The following CNTLN variants were observed in gnomAD, a reference collection of about 807,000 sequenced individuals.
CNTLN encodes the protein centlein, also known as centlein, centrosomal protein.
CNTLN carries 212 observed loss-of-function variants against 180.0 expected under a neutral mutation model. The ratio of observed to expected loss-of-function variants is 1.18; its 90% CI spans 1.05 to 1.32. The LOEUF is 1.32. Ranked by LOEUF, CNTLN falls within the 40% of genes most tolerant of loss-of-function variation. CNTLN has a pLI of 0.00. For synonymous variants in CNTLN, 722 were observed against 563.1 expected, an observed-to-expected ratio of 1.28 and a Z score of -3.99; for missense variants, 2,095 against 1,610.9, an observed-to-expected ratio of 1.30 and a Z score of -5.14.
chr9:17,307,497 T>C (rs1241527552), intron 7 of CNTLN, among the ~76,000 whole-genome samples: 2 of 152,132 alleles, frequency 1.3e-5, no homozygotes, highest in African/African-American at 2.4e-5. Context: ...CTCGAACTCC[T>C]GAGCTCAGGT....
At chr9:17,271,202 A>G (rs1345366440) in intron 5 of CNTLN, among the ~76,000 whole-genome samples, 1 of 151,830 alleles carries the variant, frequency 6.6e-6, no homozygotes, top group Non-Finnish European at 1.5e-5. Context: ...CAGCCTCCCA[A>G]AGTGCTGGGA....
rs549564782 is a variant in CNTLN at position 17,403,045 on chromosome 9, T to A, written c.2616-6248T>A. On this transcript the variant is annotated intron_variant, in intron 15 of 25. Coordinates refer to ENST00000380647, the MANE Select transcript of CNTLN (RefSeq NM_017738.4). ...GAGGGAGTGCGTCAAAAGAGGCATT[T>A]TTCAGTATATCAAAAACTTGGAAGG... 4.6e-5 allele frequency among the ~76,000 whole-genome samples: 7 copies of A among 151,820 alleles called. 1 individual carries two copies. The highest frequency in any genetic ancestry group is 1.7e-4 in the African/African-American group (7 of 41,194).
chr9:17,463,692 T>G (rs781692013), intron 20 of CNTLN, among the ~76,000 whole-genome samples: 1 of 151,650 alleles, frequency 6.6e-6, no homozygotes, highest in Non-Finnish European at 1.5e-5. Context: ...ATTTTTTAAC[T>G]GATAATATTT....
chr9:17,211,464 AG>A (rs199986480), intron 2 of CNTLN, among the ~76,000 whole-genome samples: 1,637 of 152,202 alleles, frequency 0.011, 34 homozygotes, highest in African/African-American at 0.037. Flanking sequence ...GTAGCTTTGT[AG>A]TATAGTTTGA....
At chr9:17,194,996 A>G (rs1343940982) in intron 2 of CNTLN, among the ~76,000 whole-genome samples, 1 of 152,136 alleles carries the variant, frequency 6.6e-6, no homozygotes, top group Non-Finnish European at 1.5e-5. Context: ...AGTATGGGGG[A>G]AACCGCCCCC....
chr9:17,144,902 C>T (rs1030096885), intron 2 of CNTLN, among the ~76,000 whole-genome samples: 6 of 149,090 alleles, frequency 4.0e-5, no homozygotes, highest in East Asian at 1.9e-4. Context: ...ACTGCAGTGG[C>T]GCAATCTCGG....
chr9:17,323,238 T>C (rs1387906968), intron 8 of CNTLN, among the ~76,000 whole-genome samples: 2 of 152,202 alleles, frequency 1.3e-5, no homozygotes, highest in African/African-American at 2.4e-5. Flanking sequence ...TGAGGCAATA[T>C]GGCTCGCAAT....
At chr9:17,257,489 C>T (rs1185442149) in intron 5 of CNTLN, among the ~76,000 whole-genome samples, 1 of 151,702 alleles carries the variant, frequency 6.6e-6, no homozygotes, top group Non-Finnish European at 1.5e-5. Flanking sequence ...TGGGTATATA[C>T]CCAGTAATGG....
At chr9:17,180,162 C>G (rs989992069) in intron 2 of CNTLN, among the ~76,000 whole-genome samples, 13 of 147,770 alleles carry the variant, frequency 8.8e-5, no homozygotes, top group African/African-American at 3.2e-4. Flanking sequence ...TTACATTCAG[C>G]TTGATTATTG....
intron 8 of CNTLN, among the ~76,000 whole-genome samples, chr9:17,328,704 A>G (rs1820458187): frequency 6.6e-6 from 1 of 152,176 alleles, no homozygotes; most frequent in African/African-American, 2.4e-5. Context: ...ATATGTATGC[A>G]AAATGCCTCT....
At chr9:17,143,804 G>C (rs1444201383) in intron 2 of CNTLN, among the ~76,000 whole-genome samples, 1 of 152,210 alleles carries the variant, frequency 6.6e-6, no homozygotes, top group East Asian at 1.9e-4. Context: ...GACCTTGCCA[G>C]TGTAGAGTAA....
chr9:17,405,297 G>A (rs940912344), intron 15 of CNTLN, among the ~76,000 whole-genome samples: 2 of 151,578 alleles, frequency 1.3e-5, no homozygotes, highest in East Asian at 3.9e-4. Context: ...TCAGTCAGTG[G>A]ACATTTTGTG....
At chr9:17,196,691 C>A (rs1360918078) in intron 2 of CNTLN, among the ~76,000 whole-genome samples, 4 of 150,392 alleles carry the variant, frequency 2.7e-5, no homozygotes, top group African/African-American at 7.3e-5. Flanking sequence ...TGTAATAATA[C>A]ATTTTTAATA....
At chr9:17,451,146 C>A (rs77781879) in intron 18 of CNTLN, among the ~76,000 whole-genome samples, 13 of 151,990 alleles carry the variant, frequency 8.6e-5, no homozygotes, top group African/African-American at 3.1e-4. Flanking sequence ...AATAAAAGAA[C>A]GTTGATTCTA....
At chr9:17,462,846 C>A in intron 19 of CNTLN, 70 bp from the exon 20 acceptor site, 1 of 577,144 alleles carries the variant, frequency 1.7e-6, no homozygotes. Context: ...TTTAGAATGG[C>A]ACTTATTTTT....
At chr9:17,242,002 G>A (rs1825524946) in intron 5 of CNTLN, among the ~76,000 whole-genome samples, 2 of 152,148 alleles carry the variant, frequency 1.3e-5, no homozygotes, top group East Asian at 3.8e-4. Flanking sequence ...AAACAAGGAT[G>A]ATTTGACTAT....
Position 17,394,588 on chromosome 9 carries a change from A to G in CNTLN, c.2134A>G (p.Lys712Glu), listed in dbSNP as rs1298971263. The change falls in exon 15 of 26, where the codon AAA becomes GAA. Residue 712 changes from lysine to glutamate, a missense_variant. Transcript: ENST00000380647. The part of the protein sequence containing the change: ...KSFEKRSRKL[K>E]EGNKKLMKEN... Reference sequence around the variant, plus strand: ...TTTTGAGAAAAGGTCGAGAAAATTAAAAGAAGGGAATAAAAAATTAATGAA... The same window carrying G: ...TTTTGAGAAAAGGTCGAGAAAATTAGAAGAAGGGAATAAAAAATTAATGAA... 6.3e-7 allele frequency: 1 copy of G among 1,594,994 alleles called. No individual in the cohort carries two copies. The highest frequency in any genetic ancestry group is 2.2e-5 in the East Asian group (1 of 44,772).
In CNTLN at chr9:17,416,122, A is replaced by G; in HGVS notation, c.3047A>G (p.Asn1016Ser). The change falls in exon 18 of 26, where the codon AAT (asparagine) becomes AGT (serine). Residue 1016 changes from asparagine to serine, a missense_variant. By Grantham distance (46) the Asn-to-Ser change is conservative. Coordinates refer to ENST00000380647, the MANE Select transcript of CNTLN (RefSeq NM_017738.4). ...TCTGTTAAAGAATATAAAGAAGTTA[A>G]TGAAAAGCTCCTCCATCAACAGCAA... ...ELSVKEYKEV[N>S]EKLLHQQQVS... The G allele has an allele frequency of 6.2e-7, 1 of 1,613,704 alleles. No individual in the cohort carries two copies. Among genetic ancestry groups the G allele is most frequent in the East Asian group, 2.2e-5 (1 of 44,790 alleles).
chr9:17,377,921 T>C (rs1220915340), intron 13 of CNTLN, among the ~76,000 whole-genome samples: 1 of 152,226 alleles, frequency 6.6e-6, no homozygotes. Flanking sequence ...CTAGATCACA[T>C]ATTCCTGAAA....
Sources: allele counts gnomAD v4.1 joint callset (sites outside exome capture counted in the v4.1 genomes callset), GRCh38; gene constraint gnomAD v4.1.1; transcripts MANE v1.5; gene names NCBI Gene and HGNC (gene_info 2026-07-23, HGNC 2026-07-21).